The following ZZEF1 variants were observed in gnomAD, a reference collection of about 807,000 sequenced individuals.
ZZEF1 encodes the protein zinc finger ZZ-type and EF-hand domain containing 1, also known as zinc finger ZZ-type and EF-hand domain-containing protein 1.
In ZZEF1, 157 loss-of-function variants were observed where a neutral mutation model predicts 342.8. The observed-to-expected ratio is 0.46, with a 90% confidence interval of 0.40 to 0.52. The LOEUF (loss-of-function observed/expected upper bound fraction) is 0.52. Ranked by LOEUF, ZZEF1 falls within the 20% of genes least tolerant of loss-of-function variation. The pLI, the probability that ZZEF1 is intolerant of heterozygous loss-of-function variation, is 0.00. For synonymous variants in ZZEF1, 1,505 were observed against 1,429.1 expected (o/e 1.05, Z -1.20); for missense variants, 3,480 against 3,725.6 (o/e 0.93, Z 1.72).
rs2056047618 is a variant in ZZEF1, at chr17:4,014,429, G to A, written c.8232C>T (p.Ala2744=). 2.5e-6 allele frequency: 4 copies of A among 1,614,104 alleles called. No homozygotes were observed. Among genetic ancestry groups the A allele is most frequent in the South Asian group, 1.1e-5 (1 of 91,088 alleles). ...CNTEEGCDEL[A]MSSSSDFQQD... ...GCTGGAAGTCACTGCTGCTGGACAT[G>A]GCTAACTCGTCACAGCCCTCCTCTG... Residue 2744 remains alanine (A), a synonymous_variant, in exon 50 of 55, where the codon GCC becomes GCT. Transcript: ENST00000381638. This position sits in a 1 kb window ranked among gnomAD's most constrained non-coding sequence, Gnocchi z 4.4.
At chr17:4,011,967 A>G (rs2055971858) in intron 52 of ZZEF1, among the ~76,000 whole-genome samples, 1 of 152,160 alleles carries the variant, frequency 6.6e-6, no homozygotes, top group South Asian at 2.1e-4. Flanking sequence ...CTCTCACTCT[A>G]TGAGGAGCAC....
chr17:4,095,814 A>AT lies in ZZEF1; in HGVS notation c.1913+16dup, dbSNP rs1223328141. The AT allele has an allele frequency of 2.5e-6, 4 of 1,592,488 alleles. No homozygotes were observed. Among genetic ancestry groups the AT allele is most frequent in the Non-Finnish European group, 2.6e-6 (3 of 1,169,678 alleles). On this transcript the variant is annotated intron_variant, in intron 11 of 54. Coordinates refer to ENST00000381638, the MANE Select transcript of ZZEF1 (RefSeq NM_015113.4). The stretch of plus-strand genomic sequence containing the variant: ...TTCTGTAGATCTTTGTTCTACAAAG[A>AT]TTTTTTACCTTCTTACCTGCTTTTT...
At chr17:4,115,068 C>A (rs2058372943) in intron 3 of ZZEF1, among the ~76,000 whole-genome samples, 2 of 152,162 alleles carry the variant, frequency 1.3e-5, no homozygotes, top group African/African-American at 4.8e-5. Flanking sequence ...TGTTCCCAGG[C>A]TGGAGTGCAG....
At chr17:4,114,075 T>C (rs1363887203) in intron 4 of ZZEF1, among the ~76,000 whole-genome samples, 2 of 152,198 alleles carry the variant, frequency 1.3e-5, no homozygotes, top group Non-Finnish European at 2.9e-5. Context: ...AAAAAAGATA[T>C]GAAATCAGTA....
intron 1 of ZZEF1, among the ~76,000 whole-genome samples, chr17:4,141,541 G>C (rs1431289445): frequency 1.3e-5 from 2 of 152,134 alleles, no homozygotes. Flanking sequence ...AAAAAATAGG[G>C]TGCGGGTGGA....
At chr17:4,072,347 T>C (rs527759627) in intron 25 of ZZEF1, among the ~76,000 whole-genome samples, 3 of 152,372 alleles carry the variant, frequency 2.0e-5, no homozygotes, top group East Asian at 1.9e-4. Flanking sequence ...GTTTGCCTGA[T>C]AACTCCATCA....
chr17:4,042,362 T>C (rs1017493374), intron 39 of ZZEF1, 67 bp downstream of exon 39: 11 of 1,512,726 alleles, frequency 7.3e-6, no homozygotes, highest in African/African-American at 1.4e-5. Flanking sequence ...TGTTTCAGTA[T>C]GTGGCTTTCC....
intron 1 of ZZEF1, among the ~76,000 whole-genome samples, chr17:4,139,985 T>G (rs2058816301): frequency 6.6e-6 from 1 of 152,244 alleles, no homozygotes; most frequent in African/African-American, 2.4e-5. Flanking sequence ...GGCTTCTTCC[T>G]TCTCCTTCCC....
At chr17:4,043,200 C>T (rs1762107338) in intron 38 of ZZEF1, among the ~76,000 whole-genome samples, 1 of 152,326 alleles carries the variant, frequency 6.6e-6, no homozygotes, top group African/African-American at 2.4e-5. Flanking sequence ...TACTGTCTGC[C>T]TTCTTTCAGA....
chr17:4,027,327 T>G (rs1179791511), intron 42 of ZZEF1, among the ~76,000 whole-genome samples: 1 of 126,238 alleles, frequency 7.9e-6, no homozygotes, highest in Non-Finnish European at 1.6e-5. Flanking sequence ...GAAGTCTCGC[T>G]CTTGTTCCCC....
chr17:4,076,577 AGT>A (rs1268381162), intron 21 of ZZEF1, 58 bp downstream of exon 21: 1 of 1,569,176 alleles, frequency 6.4e-7, no homozygotes, highest in African/African-American at 1.3e-5. Flanking sequence ...CACTTCACTA[AGT>A]GTGTCCCATC....
At position 4,074,335 on chromosome 17, in the gene ZZEF1, G is replaced by A. The variant is rs2057566974; in HGVS notation, c.3500C>T (p.Ala1167Val). ...AAAGAGGAACTGCAACCGAGGACCG[G>A]CCTTGAAGGTCACTTTCTAGAGACA... ...DKWPKKVTFK[A>V]GPRLQFLFHS... The change falls in exon 24 of 55, where the codon GCC becomes GTC. Residue 1167 changes from alanine (A) to valine (V), a missense_variant. Ala to Val is a moderately conservative substitution (Grantham distance 64). This residue lies in a region of ZZEF1 where 1,528 missense variants were observed against 1,624.1 expected (regional missense o/e 0.94). Transcript: ENST00000381638. 6.2e-7 allele frequency: 1 copy of A among 1,614,044 alleles called. No homozygotes were observed. Among genetic ancestry groups the A allele is most frequent in the Non-Finnish European group, 8.5e-7 (1 of 1,180,050 alleles).
At position 4,070,901 on chromosome 17, in the gene ZZEF1, G is replaced by A. The variant is rs375121633; in HGVS notation, c.3858C>T (p.Pro1286=). The A allele has an allele frequency of 6.2e-6, 10 of 1,613,846 alleles. No individual in the cohort carries two copies. In the African/African-American group the frequency reaches 9.4e-5, roughly 15 times the overall value. The change falls in exon 26 of 55, where the codon CCC becomes CCT. Residue 1286 remains proline (P), a synonymous_variant. Coordinates refer to ENST00000381638, the MANE Select transcript of ZZEF1 (RefSeq NM_015113.4). ...SKEVKNIPDD[P]CRHFLLDFAQ... is the part of the protein sequence containing the mutation. ...CAAAATCAAGAAGAAAATGGCGGCA[G>A]GGGTCGTCAGGAATGTTCTTAACCT...
intron 2 of ZZEF1, among the ~76,000 whole-genome samples, chr17:4,120,715 T>C (rs941522177): frequency 4.6e-5 from 7 of 152,130 alleles, no homozygotes; most frequent in African/African-American, 1.2e-4. Context: ...CCAAGGTAGG[T>C]GGAATGCCCG....
At chr17:4,056,940 G>A (rs1026880916) in intron 32 of ZZEF1, 1 of 152,170 alleles carries the variant, frequency 6.6e-6, no homozygotes, top group Non-Finnish European at 1.5e-5. Flanking sequence ...ATGCAAAATT[G>A]TAAATTTCCA....
At position 4,096,711 on chromosome 17, in the gene ZZEF1, G is replaced by A. The variant is rs1457681492; in HGVS notation, c.1673-11C>T. ...TTTCCGTAAGAAAACCTGAAAAAAGGGAAAACTCAAGTTAGGGAACTAACC... is the reference window on the plus strand; with the variant it reads ...TTTCCGTAAGAAAACCTGAAAAAAGAGAAAACTCAAGTTAGGGAACTAACC... On this transcript the variant is annotated splice_polypyrimidine_tract_variant and intron_variant, in intron 9 of 54. Transcript: ENST00000381638. 1 of 1,612,808 alleles carries A rather than the reference G, an allele frequency of 6.2e-7. No homozygotes were observed. Among genetic ancestry groups the A allele is most frequent in the Non-Finnish European group, 8.5e-7 (1 of 1,179,158 alleles).
chr17:4,014,554 C>G lies in ZZEF1; in HGVS notation c.8146-39G>C. 1.9e-6 allele frequency: 3 copies of G among 1,606,664 alleles called. No homozygotes were observed. Among genetic ancestry groups the G allele is most frequent in the South Asian group, 2.2e-5 (2 of 90,470 alleles). ...ATGGAGAACACATCTGTCGATGCTG[C>G]TCACTAGACACTGACTGCAGCTGTC... On this transcript the variant is annotated intron_variant, in intron 49 of 54. Coordinates refer to ENST00000381638, the MANE Select transcript of ZZEF1 (RefSeq NM_015113.4). The surrounding 1 kb of genome is among the most constrained non-coding windows in gnomAD (Gnocchi z 4.4).
chr17:4,109,178 G>C (rs2058257103), intron 6 of ZZEF1, among the ~76,000 whole-genome samples: 1 of 150,388 alleles, frequency 6.6e-6, no homozygotes, highest in African/African-American at 2.4e-5. Context: ...GCCTGGTCTT[G>C]TGACTTCAGG....
intron 24 of ZZEF1, among the ~76,000 whole-genome samples, chr17:4,073,504 T>C (rs956959257): frequency 6.6e-6 from 1 of 152,214 alleles, no homozygotes; most frequent in Admixed American, 6.5e-5. Flanking sequence ...TGATCACAGC[T>C]CACTGCATGC....
Sources: gnomAD v4.1 joint callset for allele counts (sites outside exome capture counted in the v4.1 genomes callset) on GRCh38, gnomAD v4.1.1 for gene constraint, gnomAD v4.1.1 regional missense constraint, Gnocchi (gnomAD v3.1) non-coding constraint, MANE v1.5 for transcripts, NCBI Gene and HGNC (gene_info 2026-07-23, HGNC 2026-07-21) for gene names.